ADAMTS19: variants seen among roughly 807,000 people sequenced by gnomAD.
ADAMTS19 encodes the protein A disintegrin and metalloproteinase with thrombospondin motifs 19.
Under a neutral mutation model 153.3 loss-of-function variants are expected in ADAMTS19, and 93 were observed. The ratio of observed to expected loss-of-function variants is 0.61; its 90% CI spans 0.51 to 0.72. The LOEUF is 0.72. ADAMTS19 is among the 30% of genes least tolerant of loss of function. ADAMTS19 has a pLI of 0.00. For missense variants in ADAMTS19, 1,482 were observed against 1,552.1 expected, an observed-to-expected ratio of 0.95 and a Z score of 0.76; for synonymous variants, 600 against 556.6, an observed-to-expected ratio of 1.08 and a Z score of -1.10.
chr5:129,658,351 A>AAGAAAGAGAGAGAGAGAGAGAGAG (rs1554103338), intron 14 of ADAMTS19, among the ~76,000 whole-genome samples: 45 of 133,152 alleles, frequency 3.4e-4, no homozygotes, highest in South Asian at 1.2e-3. Context: ...GAAAGAAAGA[A>AAGAAAGAGAGAGAGAGAGAGAGAG]AGAAAGAAAG....
Position 129,578,079 on chromosome 5 carries a change from C to CACACAT in ADAMTS19, c.1373-18479_1373-18478insCACATA, listed in dbSNP as rs1442337062. Among the ~76,000 whole-genome samples the CACACAT allele has an allele frequency of 5.7e-5, 5 of 88,492 alleles. 1 individual carries two copies. Among genetic ancestry groups the CACACAT allele is most frequent in the African/African-American group, 6.2e-5 (2 of 32,240 alleles). The allele number at this position is 88,492 out of a possible 152,430, so 58.1% of individuals were successfully genotyped here. On this transcript the variant is annotated intron_variant, in intron 7 of 22. Coordinates refer to ENST00000274487, the MANE Select transcript of ADAMTS19 (RefSeq NM_133638.6). ...ACACACACACACACACACACACACA[C>CACACAT]ATATATACATATACATACATATACA...
At chr5:129,549,303 TTA>T (rs1262304497) in intron 6 of ADAMTS19, among the ~76,000 whole-genome samples, 1 of 151,390 alleles carries the variant, frequency 6.6e-6, no homozygotes, top group Non-Finnish European at 1.5e-5. Context: ...TTAAAAGATA[TTA>T]TATAACTAGC....
rs190704450 is a variant in ADAMTS19 at position 129,521,857 on chromosome 5, G to A, written c.914-4427G>A. ...AAAGCAGTGGTTGAGTGGGGATGTGGTTAAGGAGTTTTTTATTACTAAAAG... is the reference window on the plus strand; with the variant it reads ...AAAGCAGTGGTTGAGTGGGGATGTGATTAAGGAGTTTTTTATTACTAAAAG... On this transcript the variant is annotated intron_variant, in intron 3 of 22. Coordinates refer to ENST00000274487, the MANE Select transcript of ADAMTS19 (RefSeq NM_133638.6). 1.6e-4 allele frequency among the ~76,000 whole-genome samples: 24 copies of A among 152,260 alleles called. No individual in the cohort carries two copies. In the East Asian group the frequency reaches 4.6e-3, roughly 29 times the overall value.
chr5:129,544,528 C>A (rs1212267878), intron 6 of ADAMTS19, among the ~76,000 whole-genome samples: 2 of 152,082 alleles, frequency 1.3e-5, no homozygotes, highest in Non-Finnish European at 1.5e-5. Context: ...TCTAGATAAT[C>A]AGAAAATGTT....
intron 18 of ADAMTS19, among the ~76,000 whole-genome samples, chr5:129,684,610 C>G (rs1006065415): frequency 2.6e-5 from 4 of 152,172 alleles, no homozygotes; most frequent in Admixed American, 2.0e-4. Flanking sequence ...ACTATTTATG[C>G]ACTGTGTTAT....
chr5:129,510,529 T>C (rs1751404176), intron 3 of ADAMTS19, among the ~76,000 whole-genome samples: 1 of 151,644 alleles, frequency 6.6e-6, no homozygotes, highest in South Asian at 2.1e-4. Flanking sequence ...GGAGAAAAAG[T>C]CAGCTGAACA....
intron 6 of ADAMTS19, among the ~76,000 whole-genome samples, chr5:129,530,947 G>T (rs1752179173): frequency 6.6e-6 from 1 of 151,988 alleles, no homozygotes; most frequent in South Asian, 2.1e-4. Context: ...TTTATAACTG[G>T]GTTTTCAAGG....
chr5:129,509,310 C>A (rs1000883919), intron 3 of ADAMTS19, 68 bp downstream of exon 3: 10 of 1,402,564 alleles, frequency 7.1e-6, no homozygotes, highest in Middle Eastern at 3.7e-4. Context: ...TAAAAAAACT[C>A]TCTCGTCTAT....
At position 129,720,174 on chromosome 5, in the gene ADAMTS19, A is replaced by AT. The variant is rs1177323633; in HGVS notation, c.3313-14744dup. Among the ~76,000 whole-genome samples, 940 of 113,292 alleles carry AT rather than the reference A, an allele frequency of 8.3e-3. 14 individuals carry two copies. Among genetic ancestry groups the AT allele is most frequent in the African/African-American group, 0.042 (869 of 20,908 alleles). The allele number at this position is 113,292 out of a possible 152,430, so 74.3% of individuals were successfully genotyped here. On this transcript the variant is annotated intron_variant, in intron 21 of 22. Transcript: ENST00000274487. ...TATATATATATATATATATATATTTATTTTTTTTTTTTTTGGAGACAAAGT... is the reference window on the plus strand; with the variant it reads ...TATATATATATATATATATATATTTATTTTTTTTTTTTTTTGGAGACAAAGT...
intron 18 of ADAMTS19, among the ~76,000 whole-genome samples, chr5:129,685,454 A>T (rs942221177): frequency 6.6e-6 from 1 of 152,160 alleles, no homozygotes; most frequent in South Asian, 2.1e-4. Context: ...GATCAACTGT[A>T]TCAAAAGTTG....
At chr5:129,575,558 G>T (rs1440572560) in intron 7 of ADAMTS19, among the ~76,000 whole-genome samples, 1 of 151,868 alleles carries the variant, frequency 6.6e-6, no homozygotes, top group African/African-American at 2.4e-5. Flanking sequence ...AACTTCTTTG[G>T]CTTGTGAGCA....
intron 7 of ADAMTS19, among the ~76,000 whole-genome samples, chr5:129,584,629 A>G (rs951297872): frequency 1.3e-4 from 20 of 152,178 alleles, no homozygotes; most frequent in African/African-American, 4.3e-4. Flanking sequence ...GTCTGGCTAC[A>G]GTGGCTTTGC....
intron 7 of ADAMTS19, among the ~76,000 whole-genome samples, chr5:129,589,797 GGAAC>G (rs1477175994): frequency 6.6e-6 from 1 of 152,004 alleles, no homozygotes; most frequent in Non-Finnish European, 1.5e-5. Context: ...CATATTCAGT[GGAAC>G]ATGTTTCCCC....
chr5:129,665,617 G>A (rs1184163452), intron 16 of ADAMTS19, 38 bp downstream of exon 16: 3 of 1,499,718 alleles, frequency 2.0e-6, no homozygotes, highest in Non-Finnish European at 2.8e-6. Context: ...ATCCAAGTAC[G>A]AGCCCAACTC....
intron 7 of ADAMTS19, among the ~76,000 whole-genome samples, chr5:129,579,189 C>G (rs1412046965): frequency 6.6e-6 from 1 of 152,146 alleles, no homozygotes; most frequent in Non-Finnish European, 1.5e-5. Context: ...TCTCTAATGA[C>G]CAGTGGTGAT....
intron 10 of ADAMTS19, among the ~76,000 whole-genome samples, chr5:129,637,141 G>A (rs1223901216): frequency 6.6e-6 from 1 of 151,980 alleles, no homozygotes; most frequent in African/African-American, 2.4e-5. Context: ...TGCCATATTT[G>A]ACATATTTGC....
intron 21 of ADAMTS19, among the ~76,000 whole-genome samples, chr5:129,726,206 G>A (rs1213367879): frequency 2.0e-5 from 3 of 152,134 alleles, no homozygotes; most frequent in African/African-American, 4.8e-5. Flanking sequence ...CGTACATGGA[G>A]TAGATTCATG....
At chr5:129,700,205 C>T (rs183367444) in intron 19 of ADAMTS19, among the ~76,000 whole-genome samples, 18 of 152,266 alleles carry the variant, frequency 1.2e-4, no homozygotes, top group Admixed American at 2.0e-4. Flanking sequence ...CTTAAGGTAG[C>T]TCTCCATCTA....
At chr5:129,722,387 T>C (rs1365397410) in intron 21 of ADAMTS19, among the ~76,000 whole-genome samples, 4 of 152,224 alleles carry the variant, frequency 2.6e-5, no homozygotes, top group Admixed American at 6.5e-5. Context: ...GTTGGCTGCA[T>C]AAATGTCTTC....
Sources: allele counts gnomAD v4.1 joint callset (sites outside exome capture counted in the v4.1 genomes callset), GRCh38; gene constraint gnomAD v4.1.1; transcripts MANE v1.5; gene names NCBI Gene and HGNC (gene_info 2026-07-23, HGNC 2026-07-21).